The following LRMDA variants were observed in gnomAD, a reference collection of about 807,000 sequenced individuals.
The protein encoded by LRMDA is leucine-rich melanocyte differentiation-associated protein.
Under a neutral mutation model 29.8 loss-of-function variants are expected in LRMDA, and 18 were observed. That is an observed-to-expected ratio of 0.60 (90% CI 0.42 to 0.90). The LOEUF (loss-of-function observed/expected upper bound fraction) is 0.90. Ranked by LOEUF, LRMDA falls within the 40% of genes least tolerant of loss-of-function variation. LRMDA has a pLI of 0.00. For missense variants in LRMDA, 273 were observed against 273.9 expected, an observed-to-expected ratio of 1.00 and a Z score of 0.02; for synonymous variants, 125 against 109.4, an observed-to-expected ratio of 1.14 and a Z score of -0.89.
intron 6 of LRMDA, among the ~76,000 whole-genome samples, chr10:76,424,529 A>C (rs545325118): frequency 1.3e-5 from 2 of 152,062 alleles, no homozygotes; most frequent in South Asian, 2.1e-4. Flanking sequence ...ACAGAGCAAG[A>C]CTCCATCTCA....
At chr10:76,058,843 C>A in intron 5 of LRMDA, 60 bp downstream of exon 5, 1 of 1,279,138 alleles carries the variant, frequency 7.8e-7, no homozygotes, top group Non-Finnish European at 1.1e-6. Flanking sequence ...GTGCTTACAC[C>A]CCAGGGCATG....
intron 6 of LRMDA, among the ~76,000 whole-genome samples, chr10:76,497,500 C>T (rs1408745262): frequency 1.3e-5 from 1 of 75,156 alleles, no homozygotes; most frequent in East Asian, 2.5e-4. Context: ...TGTCTGCCAC[C>T]ATGCCCACCA....
intron 5 of LRMDA, among the ~76,000 whole-genome samples, chr10:76,102,323 C>T (rs1013106146): frequency 8.5e-5 from 13 of 152,094 alleles, no homozygotes; most frequent in African/African-American, 2.9e-4. Flanking sequence ...GTTTGGTGTA[C>T]AGATTGTTAC....
chr10:76,201,605 A>C (rs1851432773), intron 5 of LRMDA, among the ~76,000 whole-genome samples: 1 of 152,128 alleles, frequency 6.6e-6, no homozygotes, highest in Non-Finnish European at 1.5e-5. Flanking sequence ...ATTATGTTGC[A>C]TCTGTATCTC....
Position 75,677,425 on chromosome 10 carries a change from A to T in LRMDA, c.131+238931A>T, listed in dbSNP as rs555039175. On this transcript the variant is annotated intron_variant, in intron 2 of 6. Transcript: ENST00000611255. ...GCACACACAGAGATGAATCAGGTTT[A>T]AAAAAAAAGACCATTCATTTTTAAT... Among the ~76,000 whole-genome samples, 767 of 151,618 alleles carry T rather than the reference A, an allele frequency of 5.1e-3. 4 individuals are homozygous for T. The highest frequency in any genetic ancestry group is 8.0e-3 in the Non-Finnish European group (544 of 67,866).
chr10:75,540,743 G>T (rs1840006066), intron 2 of LRMDA, among the ~76,000 whole-genome samples: 1 of 152,158 alleles, frequency 6.6e-6, no homozygotes, highest in Non-Finnish European at 1.5e-5. Context: ...GTATGTGATT[G>T]TCTTCCCAAC....
At chr10:76,340,883 G>C (rs954001026) in intron 6 of LRMDA, among the ~76,000 whole-genome samples, 3 of 152,160 alleles carry the variant, frequency 2.0e-5, no homozygotes, top group Non-Finnish European at 2.9e-5. Flanking sequence ...CAGATAATAA[G>C]TATTTTAGGG....
rs192707238 is a variant in LRMDA at position 76,497,615 on chromosome 10, C to G, written c.602-59594C>G. On this transcript the variant is annotated intron_variant, in intron 6 of 6. Transcript: ENST00000611255. ...TTCAGTTCTCTTTTTGAAGAGGAAA[C>G]CAACCAACCAAGTTTATATCTTGAA... 2.8e-3 allele frequency among the ~76,000 whole-genome samples: 214 copies of G among 75,488 alleles called. 87 individuals are homozygous for G. Among genetic ancestry groups the G allele is most frequent in the East Asian group, 7.3e-3 (29 of 3,956 alleles). 49.5% of individuals were successfully genotyped at this position (75,488 alleles called of 152,430 possible).
Position 75,783,567 on chromosome 10 carries a change from A to G in LRMDA, c.132-252441A>G, listed in dbSNP as rs116353534. ...CTACTACCTAGCATGCTGTTGTAGA[A>G]ATAGACTCAGCTTTAGATGAGGCTT... On this transcript the variant is annotated intron_variant, in intron 2 of 6. Transcript: ENST00000611255. Among the ~76,000 whole-genome samples, 431 of 152,284 alleles carry G rather than the reference A, an allele frequency of 2.8e-3. 1 individual carries two copies. The highest frequency in any genetic ancestry group is 0.01 in the African/African-American group (418 of 41,534).
intron 2 of LRMDA, among the ~76,000 whole-genome samples, chr10:75,702,474 C>A (rs1427828983): frequency 6.6e-6 from 1 of 152,116 alleles, no homozygotes; most frequent in East Asian, 1.9e-4. Flanking sequence ...GACCTAGATG[C>A]GGGTATTGGG....
chr10:75,842,614 T>C (rs1353831125), intron 2 of LRMDA, among the ~76,000 whole-genome samples: 1 of 152,238 alleles, frequency 6.6e-6, no homozygotes, highest in Non-Finnish European at 1.5e-5. Flanking sequence ...CATATCAAAG[T>C]GCATTGCATG....
intron 2 of LRMDA, among the ~76,000 whole-genome samples, chr10:75,517,215 A>C (rs1221549719): frequency 1.3e-5 from 2 of 152,040 alleles, no homozygotes; most frequent in Non-Finnish European, 2.9e-5. Context: ...ACTTTAAAGT[A>C]GTTTTTTCCA....
chr10:76,242,204 A>C (rs1207779462), intron 5 of LRMDA: 1 of 152,134 alleles, frequency 6.6e-6, no homozygotes, highest in Non-Finnish European at 1.5e-5. Context: ...TGCTGAACTT[A>C]GTGTGGACAC....
chr10:76,492,215 T>C (rs902392366), intron 6 of LRMDA, among the ~76,000 whole-genome samples: 2 of 152,064 alleles, frequency 1.3e-5, no homozygotes, highest in African/African-American at 4.8e-5. Flanking sequence ...TAAGTTCACT[T>C]TGTGAGGTCA....
intron 2 of LRMDA, among the ~76,000 whole-genome samples, chr10:75,513,581 T>G (rs998606965): frequency 1.3e-5 from 2 of 152,058 alleles, no homozygotes; most frequent in Non-Finnish European, 2.9e-5. Context: ...CTGAAATGGG[T>G]TTCACTGGGT....
At chr10:75,504,897 C>G (rs973712321) in intron 2 of LRMDA, among the ~76,000 whole-genome samples, 1 of 152,120 alleles carries the variant, frequency 6.6e-6, no homozygotes, top group Non-Finnish European at 1.5e-5. Context: ...AAAAATCACT[C>G]TGGCTACAGA....
Position 76,410,945 on chromosome 10 carries a change from C to CCAAAA in LRMDA, c.601+86473_601+86477dup, listed in dbSNP as rs1372724750. ...TGGGCAACAGAGCGAGACTCCATCTCCAAAACAAAACAAAACACCAGAAAG... is the reference window on the plus strand; with the variant it reads ...TGGGCAACAGAGCGAGACTCCATCTCCAAAACAAAACAAAACAAAACACCAGAAAG... On this transcript the variant is annotated intron_variant, in intron 6 of 6. Transcript: ENST00000611255. 4.6e-5 allele frequency among the ~76,000 whole-genome samples: 7 copies of CCAAAA among 152,076 alleles called. 1 individual carries two copies. In the South Asian group the frequency reaches 1.2e-3, roughly 27 times the overall value.
intron 2 of LRMDA, among the ~76,000 whole-genome samples, chr10:75,940,672 A>T (rs1462000927): frequency 6.6e-6 from 1 of 152,066 alleles, no homozygotes; most frequent in Non-Finnish European, 1.5e-5. Context: ...ATAATATCTT[A>T]TCCCTGATAT....
chr10:76,308,837 G>A (rs1465273057), intron 5 of LRMDA, among the ~76,000 whole-genome samples: 1 of 152,188 alleles, frequency 6.6e-6, no homozygotes, highest in African/African-American at 2.4e-5. Flanking sequence ...TTGGGAGTTA[G>A]GAAAGTCAGT....
Sources: gnomAD v4.1 joint callset for allele counts (sites outside exome capture counted in the v4.1 genomes callset) on GRCh38, gnomAD v4.1.1 for gene constraint, MANE v1.5 for transcripts, NCBI Gene and HGNC (gene_info 2026-07-23, HGNC 2026-07-21) for gene names.